Variants in VAC14 observed in about 807,000 individuals in gnomAD.
VAC14 encodes VAC14 component of PIKFYVE complex, also known as protein VAC14 homolog.
In VAC14, 47 loss-of-function variants were observed where a neutral mutation model predicts 85.3. The ratio of observed to expected loss-of-function variants is 0.55; its 90% confidence interval spans 0.44 to 0.70. VAC14 has a LOEUF of 0.70. Among genes scored for constraint, VAC14 ranks in the 30% least tolerant of loss-of-function variants. VAC14 has a pLI of 0.00. For missense variants in VAC14, 861 were observed against 1,004.3 expected (o/e 0.86, Z 1.93); for synonymous variants, 447 against 430.5 (o/e 1.04, Z -0.47).
intron 18 of VAC14, chr16:70,689,589 C>T (rs1404149650): frequency 2.0e-6 from 2 of 985,604 alleles, no homozygotes; most frequent in Non-Finnish European, 2.4e-6. Flanking sequence ...CCTGCCCACA[C>T]CTGTTCCCTT....
At chr16:70,794,624 A>C (rs1287322752) in intron 1 of VAC14, among the ~76,000 whole-genome samples, 1 of 152,232 alleles carries the variant, frequency 6.6e-6, no homozygotes, top group East Asian at 1.9e-4. Context: ...CCAAAGCCAC[A>C]TCTCCCAAGT....
chr16:70,700,385 C>CG (rs1567523887), intron 14 of VAC14: 1 of 152,254 alleles, frequency 6.6e-6, no homozygotes, highest in East Asian at 1.9e-4. Flanking sequence ...CCTGCCATGC[C>CG]GGGGGCTCCC....
intron 15 of VAC14, among the ~76,000 whole-genome samples, chr16:70,697,720 C>T (rs1025348931): frequency 1.3e-4 from 20 of 152,192 alleles, no homozygotes; most frequent in African/African-American, 4.8e-4. Flanking sequence ...GGAACCCAGC[C>T]CACACTTGGG....
At chr16:70,749,504 C>T (rs1373539447) in intron 12 of VAC14, among the ~76,000 whole-genome samples, 1 of 152,232 alleles carries the variant, frequency 6.6e-6, no homozygotes, top group African/African-American at 2.4e-5. Flanking sequence ...TGTCTCTGGT[C>T]CCCAGAGGCT....
chr16:70,780,620 G>A (rs1373934129), intron 9 of VAC14, among the ~76,000 whole-genome samples, 170 bp downstream of exon 9: 6 of 152,226 alleles, frequency 3.9e-5, no homozygotes, highest in East Asian at 3.9e-4. Flanking sequence ...CCTGTCTGCA[G>A]AATGGGGGAG....
chr16:70,769,356 G>C (rs1298307830), intron 10 of VAC14: 1 of 153,004 alleles, frequency 6.5e-6, no homozygotes, highest in Non-Finnish European at 1.5e-5. Context: ...ATCACAGGGT[G>C]GGTCTGGCTA....
At chr16:70,690,214 G>A in intron 18 of VAC14, 1 of 985,498 alleles carries the variant, frequency 1.0e-6, no homozygotes, top group Non-Finnish European at 1.2e-6. Flanking sequence ...GTGATGGGCA[G>A]ACCCTTCCTG....
intron 12 of VAC14, among the ~76,000 whole-genome samples, chr16:70,757,373 G>A (rs368895826): frequency 2.0e-5 from 3 of 152,220 alleles, no homozygotes; most frequent in South Asian, 2.1e-4. Flanking sequence ...GGGAAGTGGC[G>A]CTGTGAACCT....
intron 12 of VAC14, chr16:70,747,359 C>T (rs1597928057): frequency 6.6e-6 from 1 of 151,976 alleles, no homozygotes; most frequent in East Asian, 1.9e-4. Context: ...GGGCTTCTTT[C>T]TGGGGTCATG....
intron 3 of VAC14, 39 bp from the exon 4 acceptor site, chr16:70,784,877 G>A (rs746644144): frequency 6.3e-7 from 1 of 1,589,876 alleles, no homozygotes; most frequent in Non-Finnish European, 8.6e-7. Flanking sequence ...ACAGAGGCGA[G>A]GGTCACGGTT....
In VAC14 at chr16:70,701,214, G is replaced by A. The variant is rs573530254; in HGVS notation, c.1662-2403C>T. 2.6e-4 allele frequency among the ~76,000 whole-genome samples: 40 copies of A among 152,272 alleles called. 1 individual carries two copies. The highest frequency in any genetic ancestry group is 6.8e-3 in the Middle Eastern group (2 of 292). On this transcript the variant is annotated intron_variant, in intron 14 of 18. Coordinates refer to ENST00000261776, the MANE Select transcript of VAC14 (RefSeq NM_018052.5). The stretch of plus-strand genomic sequence containing the variant: ...TAGTCTGTGCCTCTTGGTAGTCTGT[G>A]GTCCCAATCAGTGACTCCCACACAT...
Position 70,800,510 on chromosome 16 carries a change from A to C in VAC14, c.104+287T>G, listed in dbSNP as rs142472701. On this transcript the variant is annotated intron_variant, in intron 1 of 18. Transcript: ENST00000261776. ...GGTGGCACCGCACCGAAGACTCACC[A>C]TGTGCCATGCACTGTGCAAAGCACT... Among the ~76,000 whole-genome samples the C allele has an allele frequency of 4.7e-3, 712 of 152,292 alleles. 2 individuals are homozygous for C. Among genetic ancestry groups the C allele is most frequent in the Admixed American group, 0.011 (168 of 15,304 alleles).
chr16:70,780,960 A>G (rs368543307), intron 8 of VAC14, 21 bp from the exon 9 acceptor site: 2 of 1,613,528 alleles, frequency 1.2e-6, no homozygotes, highest in Non-Finnish European at 1.7e-6. Context: ...TGATGTAAGG[A>G]GCGTGATCTG....
chr16:70,783,430 C>T lies in VAC14; in HGVS notation c.704+15G>A, dbSNP rs751558692. 8 of 1,613,234 alleles carry T rather than the reference C, an allele frequency of 5.0e-6. No homozygotes were observed. The East Asian group carries it at 1.1e-4, about 22-fold the overall frequency. ...TGGCAGGAGGCAGCAGCTTCCTGCC[C>T]CTTACTCCACTCACATTTTGCGAAT... On this transcript the variant is annotated intron_variant, in intron 6 of 18. Coordinates refer to ENST00000261776, the MANE Select transcript of VAC14 (RefSeq NM_018052.5).
chr16:70,690,165 C>A, intron 18 of VAC14: 1 of 985,548 alleles, frequency 1.0e-6, no homozygotes, highest in Non-Finnish European at 1.2e-6. Context: ...GCCACATCTG[C>A]TCCCTGGGCC....
At chr16:70,795,004 T>C (rs2034484293) in intron 1 of VAC14, among the ~76,000 whole-genome samples, 1 of 152,234 alleles carries the variant, frequency 6.6e-6, no homozygotes, top group African/African-American at 2.4e-5. Flanking sequence ...ACCACTGTGT[T>C]ACAACTGCCT....
chr16:70,705,227 T>G (rs2053899048), intron 14 of VAC14, among the ~76,000 whole-genome samples: 1 of 151,840 alleles, frequency 6.6e-6, no homozygotes, highest in Non-Finnish European at 1.5e-5. Context: ...CCACCCCTCC[T>G]TCCTTGGGCC....
At chr16:70,782,119 G>T (rs758715945) in intron 7 of VAC14, 116 bp from the exon 8 acceptor site, 15 of 1,393,388 alleles carry the variant, frequency 1.1e-5, no homozygotes, top group Non-Finnish European at 1.4e-5. Flanking sequence ...GCGCCTGACG[G>T]CTTCCAGCCT....
At chr16:70,721,316 G>C (rs147511019) in intron 14 of VAC14, among the ~76,000 whole-genome samples, 1,703 of 152,248 alleles carry the variant, frequency 0.011, 30 homozygotes, top group African/African-American at 0.037. Flanking sequence ...AGGGATGAGA[G>C]CCCTGGGGAT....
Sources: allele counts gnomAD v4.1 joint callset (sites outside exome capture counted in the v4.1 genomes callset), GRCh38; gene constraint gnomAD v4.1.1; transcripts MANE v1.5; gene names NCBI Gene and HGNC (gene_info 2026-07-23, HGNC 2026-07-21).